The following STON1 variants were observed in gnomAD, a reference collection of about 807,000 sequenced individuals.
STON1 encodes the protein stonin-1.
Under a neutral mutation model 60.9 loss-of-function variants are expected in STON1, and 79 were observed. The observed-to-expected ratio is 1.30, with a 90% CI of 1.08 to 1.56. The LOEUF (loss-of-function observed/expected upper bound fraction) is 1.56. Among genes scored for constraint, STON1 ranks in the 40% most tolerant of loss-of-function variants. The pLI is 0.00. For synonymous variants in STON1, 363 were observed against 306.9 expected (o/e 1.18, Z -1.91); for missense variants, 1,166 against 858.9 (o/e 1.36, Z -4.47).
At chr2:48,548,401 C>T (rs765637205) in intron 1 of STON1, among the ~76,000 whole-genome samples, 5 of 152,198 alleles carry the variant, frequency 3.3e-5, no homozygotes, top group Non-Finnish European at 5.9e-5. Context: ...TGGGAACTTC[C>T]ATGGCATTCC....
intron 3 of STON1, among the ~76,000 whole-genome samples, chr2:48,593,695 A>T (rs1245648352): frequency 6.6e-6 from 1 of 152,120 alleles, no homozygotes; most frequent in African/African-American, 2.4e-5. Flanking sequence ...TTTTCTACTA[A>T]TTTATTTCTA....
rs765831822 is a variant in STON1, at chr2:48,582,006, T to C, written c.1373T>C (p.Leu458Ser). 1 of 1,614,170 alleles carries C rather than the reference T, an allele frequency of 6.2e-7. No individual in the cohort carries two copies. The highest frequency in any genetic ancestry group is 8.5e-7 in the Non-Finnish European group (1 of 1,180,036). The part of the protein sequence containing the change: ...VNGNLECFLT[L>S]NDLELPKRDE... Reference sequence around the variant, plus strand: ...GGGAACCTGGAATGCTTTTTAACCTTGAATGACCTTGAGTTGCCGAAGCGA... The same window carrying C: ...GGGAACCTGGAATGCTTTTTAACCTCGAATGACCTTGAGTTGCCGAAGCGA... The change falls in exon 2 of 4, where the codon TTG (leucine) becomes TCG (serine). Residue 458 changes from leucine (L) to serine (S), a missense_variant. Leu to Ser is a moderately radical substitution (Grantham distance 145, BLOSUM62 -2). Transcript: ENST00000404752.
At chr2:48,555,227 C>G (rs1235715947) in intron 1 of STON1, among the ~76,000 whole-genome samples, 1 of 109,836 alleles carries the variant, frequency 9.1e-6, no homozygotes, top group East Asian at 3.0e-4. Flanking sequence ...GGCCCGTTCT[C>G]AATGAGCTGT....
intron 1 of STON1, among the ~76,000 whole-genome samples, chr2:48,579,930 G>A (rs944070873): frequency 3.3e-5 from 5 of 152,090 alleles, no homozygotes; most frequent in African/African-American, 1.2e-4. Flanking sequence ...ATTTTCAGAT[G>A]GAGTTTCACT....
intron 1 of STON1, chr2:48,531,017 C>CTTCAT (rs1671189338): frequency 6.6e-6 from 1 of 152,126 alleles, no homozygotes; most frequent in African/African-American, 2.4e-5. Flanking sequence ...ATGTAATTAG[C>CTTCAT]GTTTCTAATA....
At chr2:48,574,371 A>G (rs952831950) in intron 1 of STON1, among the ~76,000 whole-genome samples, 1 of 150,600 alleles carries the variant, frequency 6.6e-6, no homozygotes, top group African/African-American at 2.5e-5. Context: ...GTGCAACTCC[A>G]TCTCGAAAAA....
rs138356513 is a variant in STON1 at position 48,588,701 on chromosome 2, T to A, written c.1931-2952T>A. ...ATGTTCTAATTATAAAACTTTTTTT[T>A]AAATTTTTTTTCCTTCCTGGGAATT... On this transcript the variant is annotated intron_variant, in intron 2 of 3. Transcript: ENST00000404752. Among the ~76,000 whole-genome samples the A allele has an allele frequency of 9.8e-3, 1,489 of 152,290 alleles. 22 individuals carry two copies. Among genetic ancestry groups the A allele is most frequent in the African/African-American group, 0.031 (1,303 of 41,552 alleles).
chr2:48,564,190 G>T (rs891933897), intron 1 of STON1, among the ~76,000 whole-genome samples: 1 of 152,142 alleles, frequency 6.6e-6, no homozygotes, highest in Non-Finnish European at 1.5e-5. Context: ...GTATCTTCAA[G>T]AATGTCTTCA....
At chr2:48,533,116 G>T (rs1416132805) in intron 1 of STON1, among the ~76,000 whole-genome samples, 1 of 152,126 alleles carries the variant, frequency 6.6e-6, no homozygotes, top group Admixed American at 6.5e-5. Flanking sequence ...GGGCGCGGTG[G>T]CTTCCGCTTG....
intron 1 of STON1, among the ~76,000 whole-genome samples, chr2:48,564,480 TTTCTTCTTCTTCTTCTTCTTCTTCTTC>T (rs869188236): frequency 4.9e-4 from 16 of 32,482 alleles, no homozygotes; most frequent in East Asian, 1.7e-3. Context: ...CTTCTTCTTC[TTTCTTCTTCTTCTTCTTCTTCTTCTTC>T]TTCTTCTTCT....
In STON1 at chr2:48,559,633, C is replaced by A. The variant is rs544678305; in HGVS notation, c.-47-20954C>A. 3.3e-5 allele frequency among the ~76,000 whole-genome samples: 5 copies of A among 152,282 alleles called. No homozygotes were observed. The East Asian group carries it at 9.7e-4, about 29-fold the overall frequency. On this transcript the variant is annotated intron_variant, in intron 1 of 3. Transcript: ENST00000404752. ...TGTTTCACACCTGAGAAGACAGAGG[C>A]TCAGGGAATTGAAGTAACTTGCTCC...
chr2:48,551,609 G>C (rs554021491), intron 1 of STON1, among the ~76,000 whole-genome samples: 1 of 152,382 alleles, frequency 6.6e-6, no homozygotes, highest in South Asian at 2.1e-4. Flanking sequence ...TTCTCTGACA[G>C]AATGTCCTTT....
At chr2:48,575,281 G>A (rs1238052802) in intron 1 of STON1, among the ~76,000 whole-genome samples, 2 of 152,156 alleles carry the variant, frequency 1.3e-5, no homozygotes, top group Non-Finnish European at 2.9e-5. Flanking sequence ...CATTTAGGTT[G>A]TTTCCATCTG....
At chr2:48,567,990 T>G (rs567638375) in intron 1 of STON1, among the ~76,000 whole-genome samples, 1 of 143,570 alleles carries the variant, frequency 7.0e-6, no homozygotes, top group African/African-American at 2.5e-5. Context: ...ACAGACACAC[T>G]GAAATTAAGA....
chr2:48,582,438 G>A lies in STON1; in HGVS notation c.1805G>A (p.Cys602Tyr). Residue 602 changes from cysteine (C) to tyrosine (Y), a missense_variant, in exon 2 of 4, where the codon TGT (cysteine) becomes TAT (tyrosine). Transcript: ENST00000404752. ...AAAGCTAAAATGAACCGCCGAGCATGTCTGGGGAGTTTACAGGAACTTGAA... is the reference window on the plus strand; with the variant it reads ...AAAGCTAAAATGAACCGCCGAGCATATCTGGGGAGTTTACAGGAACTTGAA... ...SLKAKMNRRACLGSLQELESE... is the reference protein window; with the variant it reads ...SLKAKMNRRAYLGSLQELESE... 1 of 1,614,216 alleles carries A rather than the reference G, an allele frequency of 6.2e-7. No homozygotes were observed. The highest frequency in any genetic ancestry group is 8.5e-7 in the Non-Finnish European group (1 of 1,180,028).
intron 1 of STON1, among the ~76,000 whole-genome samples, chr2:48,561,165 T>C (rs1302714432): frequency 6.6e-6 from 1 of 152,214 alleles, no homozygotes; most frequent in Non-Finnish European, 1.5e-5. Flanking sequence ...CTCTTGTGTC[T>C]AGCTTCATGA....
chr2:48,564,235 G>C (rs1467337817), intron 1 of STON1, among the ~76,000 whole-genome samples: 1 of 152,084 alleles, frequency 6.6e-6, no homozygotes, highest in East Asian at 1.9e-4. Flanking sequence ...CCATAGACCA[G>C]GTGGCTTATA....
chr2:48,564,733 C>CTTTTTTTTTTTT (rs776637856), intron 1 of STON1, among the ~76,000 whole-genome samples: 2 of 100,906 alleles, frequency 2.0e-5, no homozygotes, highest in Non-Finnish European at 4.0e-5. Context: ...TTCTTTCTTT[C>CTTTTTTTTTTTT]TTTTTTTTTT....
At chr2:48,565,515 C>T (rs1211295001) in intron 1 of STON1, among the ~76,000 whole-genome samples, 1 of 152,252 alleles carries the variant, frequency 6.6e-6, no homozygotes, top group Non-Finnish European at 1.5e-5. Context: ...AAAGGAGGAT[C>T]CCTGAGCAGG....
Sources: allele counts gnomAD v4.1 joint callset (sites outside exome capture counted in the v4.1 genomes callset), GRCh38; gene constraint gnomAD v4.1.1; transcripts MANE v1.5; gene names NCBI Gene and HGNC (gene_info 2026-07-23, HGNC 2026-07-21).